The following CLPTM1L variants were observed in gnomAD, a reference collection of about 807,000 sequenced individuals.
CLPTM1L encodes CLPTM1 like.
Under a neutral mutation model 70.9 loss-of-function variants are expected in CLPTM1L, and 38 were observed. That is an observed-to-expected ratio of 0.54 (90% CI 0.41 to 0.70). The LOEUF is 0.70. Ranked by LOEUF, CLPTM1L falls within the 30% of genes least tolerant of loss-of-function variation. The pLI is 0.00. For synonymous variants in CLPTM1L, 339 were observed against 299.9 expected (o/e 1.13, Z -1.35); for missense variants, 652 against 705.9 (o/e 0.92, Z 0.87).
intron 9 of CLPTM1L, among the ~76,000 whole-genome samples, chr5:1,327,788 G>A (rs1339287028): frequency 6.7e-6 from 1 of 149,410 alleles, no homozygotes; most frequent in Non-Finnish European, 1.5e-5. Context: ...ATTCCACCCA[G>A]CTCCTCCTCT....
Position 1,318,597 on chromosome 5 carries a change from A to G in CLPTM1L, c.1533-144T>C. 1 of 676,542 alleles carries G rather than the reference A, an allele frequency of 1.5e-6. No individual in the cohort carries two copies. Among genetic ancestry groups the G allele is most frequent in the Non-Finnish European group, 2.6e-6 (1 of 387,854 alleles). The allele number at this position is 676,542 out of a possible 1,614,324, so 41.9% of individuals were successfully genotyped here. ...AAAAAGTCGAATCCTCAGAAGTTTT[A>G]CTGCCGAGGGCTGAGGAGGGATTTC... On this transcript the variant is annotated intron_variant, in intron 16 of 16. Coordinates refer to ENST00000320895, the MANE Select transcript of CLPTM1L (RefSeq NM_030782.5). The surrounding 1 kb of genome is among the most constrained non-coding windows in gnomAD (Gnocchi z 8.9).
rs1382964842 is a variant in CLPTM1L, at chr5:1,342,136, G to A, written c.264-276C>T. The stretch of plus-strand genomic sequence containing the variant: ...CGCACTTCCTGCCTCCATCTCAGGA[G>A]GCTGAGAGGTCAATAACCCACCTGA... On this transcript the variant is annotated intron_variant, in intron 2 of 16. Coordinates refer to ENST00000320895, the MANE Select transcript of CLPTM1L (RefSeq NM_030782.5). The surrounding 1 kb of genome is among the most constrained non-coding windows in gnomAD (Gnocchi z 4.3). Among the ~76,000 whole-genome samples, 3 of 152,068 alleles carry A rather than the reference G, an allele frequency of 2.0e-5. No homozygotes were observed. The highest frequency in any genetic ancestry group is 2.1e-4 in the South Asian group (1 of 4,818).
intron 10 of CLPTM1L, 60 bp downstream of exon 10, chr5:1,325,691 G>A: frequency 6.2e-6 from 9 of 1,442,930 alleles, no homozygotes; most frequent in Middle Eastern, 1.7e-4. Flanking sequence ...TCTTTGCACA[G>A]GGGGCAAAAT....
chr5:1,325,539 C>T, intron 10 of CLPTM1L: 1 of 574,886 alleles, frequency 1.7e-6, no homozygotes. Context: ...GCCGTCTGCA[C>T]TGAAGACGGT....
intron 2 of CLPTM1L, 23 bp downstream of exon 2, chr5:1,344,328 G>C: frequency 6.8e-7 from 1 of 1,469,264 alleles, no homozygotes; most frequent in Non-Finnish European, 9.5e-7. Flanking sequence ...CCCTTTCACT[G>C]GCATTTTGTC....
At position 1,320,205 on chromosome 5, in the gene CLPTM1L, G is replaced by T. The variant is rs563543998; in HGVS notation, c.1532+411C>A. On this transcript the variant is annotated intron_variant, in intron 16 of 16. Transcript: ENST00000320895. ...AATGCTGAGGTGAGTGAGCTCCCCA[G>T]TGACATTGTGCCCTGCAGGTCCACA... is the stretch of plus-strand genomic sequence containing the variant. 2.2e-4 allele frequency: 35 copies of T among 158,258 alleles called. 1 individual carries two copies. In the South Asian group the frequency reaches 2.6e-3, roughly 12 times the overall value. The allele number at this position is 158,258 out of a possible 1,614,324, so 9.8% of individuals were successfully genotyped here.
intron 5 of CLPTM1L, among the ~76,000 whole-genome samples, chr5:1,337,186 G>A (rs142303175): frequency 2.6e-5 from 4 of 152,330 alleles, no homozygotes; most frequent in African/African-American, 4.8e-5. Context: ...GTGAAACAAC[G>A]CCACAGCTCC....
intron 16 of CLPTM1L, among the ~76,000 whole-genome samples, chr5:1,319,562 G>A (rs1460302326): frequency 6.6e-6 from 1 of 152,242 alleles, no homozygotes; most frequent in Admixed American, 6.5e-5. Flanking sequence ...CGCTCCCCAA[G>A]GGCCGGCACC....
chr5:1,329,054 G>T (rs749264374), intron 9 of CLPTM1L, among the ~76,000 whole-genome samples: 1 of 152,182 alleles, frequency 6.6e-6, no homozygotes, highest in Non-Finnish European at 1.5e-5. Context: ...CCACCCACAG[G>T]TGGGCCACCA....
rs2111225795 is a variant in CLPTM1L, at chr5:1,330,273, A to G, written c.1080+7T>C. 2 of 1,611,854 alleles carry G rather than the reference A, an allele frequency of 1.2e-6. No individual in the cohort carries two copies. The highest frequency in any genetic ancestry group is 1.7e-6 in the Non-Finnish European group (2 of 1,179,146). On this transcript the variant is annotated splice_region_variant and intron_variant, in intron 9 of 16. Transcript: ENST00000320895. ...TCAGACAGTTCAGGTCACTGCCCGGAACTCACCTCAATGGCGGCTCCAACA... is the reference window on the plus strand; with the variant it reads ...TCAGACAGTTCAGGTCACTGCCCGGGACTCACCTCAATGGCGGCTCCAACA...
At chr5:1,328,489 C>A (rs1752800535) in intron 9 of CLPTM1L, among the ~76,000 whole-genome samples, 1 of 150,000 alleles carries the variant, frequency 6.7e-6, no homozygotes, top group African/African-American at 2.5e-5. Context: ...CCATCCAGCT[C>A]CTCCTCTACA....
intron 5 of CLPTM1L, among the ~76,000 whole-genome samples, chr5:1,335,683 C>G (rs139396489): frequency 6.6e-6 from 1 of 152,322 alleles, no homozygotes; most frequent in African/African-American, 2.4e-5. Context: ...GCTTCTGGAA[C>G]GCAAAGCTAG....
In CLPTM1L at chr5:1,334,319, C is replaced by A. The variant is rs767224872; in HGVS notation, c.861G>T (p.Leu287=). 6.2e-7 allele frequency: 1 copy of A among 1,613,864 alleles called. No homozygotes were observed. The highest frequency in any genetic ancestry group is 1.1e-5 in the South Asian group (1 of 91,060). Residue 287 remains leucine, a synonymous_variant, in exon 7 of 17, where the codon CTG becomes CTT. Coordinates refer to ENST00000320895, the MANE Select transcript of CLPTM1L (RefSeq NM_030782.5). ...GIFVDTNLYF[L]ALTFFVAAFH... is the part of the protein sequence containing the mutation. The stretch of plus-strand genomic sequence containing the variant: ...ACGCTGCGACAAAGAAGGTCAGCGC[C>A]AGGAAGTATAAGTTGGTATCTACAA...
At chr5:1,343,421 C>T (rs1231230086) in intron 2 of CLPTM1L, among the ~76,000 whole-genome samples, 1 of 152,194 alleles carries the variant, frequency 6.6e-6, no homozygotes, top group Non-Finnish European at 1.5e-5. Context: ...GACACTGTGC[C>T]AGGTCAAATG....
intron 4 of CLPTM1L, 38 bp downstream of exon 4, chr5:1,338,822 C>T (rs778485353): frequency 6.2e-7 from 1 of 1,610,498 alleles, no homozygotes; most frequent in South Asian, 1.1e-5. Flanking sequence ...GGTCCCAGCA[C>T]CCTCCCCCCG....
chr5:1,323,795 T>A lies in CLPTM1L; in HGVS notation c.1272A>T (p.Lys424Asn). The A allele has an allele frequency of 6.2e-7, 1 of 1,612,714 alleles. No individual in the cohort carries two copies. The highest frequency in any genetic ancestry group is 8.5e-7 in the Non-Finnish European group (1 of 1,178,950). The change falls in exon 12 of 17, where the codon AAA (lysine) becomes AAT (asparagine). Residue 424 changes from lysine (K) to asparagine (N), a missense_variant. By Grantham distance (94) the Lys-to-Asn change is moderately conservative (BLOSUM62 0). Around this residue, in one of 3 missense-constraint regions of CLPTM1L, gnomAD observed 240 missense variants for 295.0 expected, o/e 0.81. Coordinates refer to ENST00000320895, the MANE Select transcript of CLPTM1L (RefSeq NM_030782.5). Reference sequence around the variant, plus strand: ...CGTGTGCGGCCTCCTACCTCTTATATTTGATATTCAGGAGTGAATAGACAG... The same window carrying A: ...CGTGTGCGGCCTCCTACCTCTTATAATTGATATTCAGGAGTGAATAGACAG... Reference protein sequence around the residue: ...GGAVYSLLNIKYKSWYSWLIN... With the variant: ...GGAVYSLLNINYKSWYSWLIN...
Position 1,321,829 on chromosome 5 carries a change from G to C in CLPTM1L, c.1316-10C>G, listed in dbSNP as rs560356525. 4 of 1,613,018 alleles carry C rather than the reference G, an allele frequency of 2.5e-6. No individual in the cohort carries two copies. In the East Asian group the frequency reaches 8.9e-5, roughly 36 times the overall value. ...CCAAAGGCATAGACCCCTGCAGAAA[G>C]ACAGACAGCACTCACGAGGTGCGGA... On this transcript the variant is annotated splice_polypyrimidine_tract_variant and intron_variant, in intron 13 of 16. Transcript: ENST00000320895.
chr5:1,332,234 C>G, intron 7 of CLPTM1L: 1 of 259,662 alleles, frequency 3.9e-6, no homozygotes, highest in Non-Finnish European at 7.5e-6. Context: ...AGCCTCATCT[C>G]TCAACTGTGC....
intron 10 of CLPTM1L, 153 bp downstream of exon 10, chr5:1,325,598 C>T (rs940940418): frequency 2.4e-5 from 16 of 678,530 alleles, no homozygotes; most frequent in Middle Eastern, 3.8e-4. Context: ...AGAGTGGCTG[C>T]GATCAGAAAC....
Sources: gnomAD v4.1 joint callset for allele counts (sites outside exome capture counted in the v4.1 genomes callset) on GRCh38, gnomAD v4.1.1 for gene constraint, gnomAD v4.1.1 regional missense constraint, Gnocchi (gnomAD v3.1) non-coding constraint, MANE v1.5 for transcripts, NCBI Gene and HGNC (gene_info 2026-07-23, HGNC 2026-07-21) for gene names.